Variants in ZNF331 observed in about 807,000 individuals in gnomAD.
ZNF331 encodes zinc finger protein 331.
ZNF331 carries 2 observed loss-of-function variants against 7.0 expected under a neutral mutation model. That is an observed-to-expected ratio of 0.29 (90% CI 0.12 to 0.90). The LOEUF (loss-of-function observed/expected upper bound fraction) is 0.90. ZNF331 is among the 40% of genes least tolerant of loss of function. The probability of loss-of-function intolerance (pLI) is 0.58; values close to 1 mark genes in which losing one functional copy is unlikely to be tolerated. For missense variants in ZNF331, 432 were observed against 587.7 expected (o/e 0.74, Z 2.74); for synonymous variants, 196 against 205.4 (o/e 0.95, Z 0.39).
intron 2 of ZNF331, among the ~76,000 whole-genome samples, chr19:53,523,935 C>T (rs1477826992): frequency 4.6e-5 from 7 of 152,154 alleles, no homozygotes; most frequent in African/African-American, 1.7e-4. Context: ...TCCGACGGGC[C>T]CTGGTGTGTG....
chr19:53,540,674 T>A (rs996036284), intron 2 of ZNF331, among the ~76,000 whole-genome samples: 1 of 133,910 alleles, frequency 7.5e-6, no homozygotes, highest in Non-Finnish European at 1.6e-5. Context: ...CTCAGGTGAT[T>A]AATTAGCCGG....
intron 2 of ZNF331, among the ~76,000 whole-genome samples, chr19:53,529,929 G>A (rs921657816): frequency 2.0e-5 from 3 of 152,110 alleles, no homozygotes; most frequent in African/African-American, 7.2e-5. Flanking sequence ...GACAGCACCC[G>A]CTCGGGTAGG....
At chr19:53,559,065 C>T (rs1490487539) in intron 3 of ZNF331, among the ~76,000 whole-genome samples, 2 of 150,984 alleles carry the variant, frequency 1.3e-5, no homozygotes, top group Non-Finnish European at 3.0e-5. Context: ...ACAAACACAC[C>T]CCGTATACAC....
upstream of ZNF331, among the ~76,000 whole-genome samples, chr19:53,517,884 G>T (rs2086941587): frequency 6.6e-6 from 1 of 152,124 alleles, no homozygotes; most frequent in Non-Finnish European, 1.5e-5. Flanking sequence ...ACAGTGTCAG[G>T]CTTTGATTGA....
At position 53,560,029 on chromosome 19, in the gene ZNF331, A is replaced by G. The variant is rs1568515318; in HGVS notation, c.-74+4121A>G. Among the ~76,000 whole-genome samples the G allele has an allele frequency of 6.6e-6, 1 of 151,186 alleles. No individual in the cohort carries two copies. Among genetic ancestry groups the G allele is most frequent in the African/African-American group, 2.4e-5 (1 of 41,040 alleles). On this transcript the variant is annotated intron_variant, in intron 3 of 5. Transcript: ENST00000449416. This position sits in a 1 kb window ranked among gnomAD's most constrained non-coding sequence, Gnocchi z 4.3. ...ATATACGCACACACACCCCATACAC[A>G]TGCATACCTCATATATACATATACA...
chr19:53,567,482 A>G (rs998113504), intron 3 of ZNF331, among the ~76,000 whole-genome samples: 1 of 152,092 alleles, frequency 6.6e-6, no homozygotes, highest in African/African-American at 2.4e-5. Flanking sequence ...TATGGTCTGC[A>G]TAGAAGACCA....
intron 1 of ZNF331, chr19:53,538,710 G>C (rs992110505): frequency 1.3e-5 from 2 of 154,080 alleles, no homozygotes; most frequent in African/African-American, 4.8e-5. Flanking sequence ...TCTGGGTGAC[G>C]CAGGTGTGTG....
At position 53,576,761 on chromosome 19, in the gene ZNF331, T is replaced by G; in HGVS notation, c.201T>G (p.Ala67=). ...PTEKNIHEIR[A]SKRNSDRRSK... is the part of the protein sequence containing the mutation. ...AAAAAAACATTCATGAAATAAGGGC[T>G]TCCAAAAGGAATTCAGATAGAAGAA... Residue 67 remains alanine (A), a synonymous_variant, in exon 6 of 6, where the codon GCT becomes GCG. Coordinates refer to ENST00000449416, the MANE Select transcript of ZNF331 (RefSeq NM_001079906.2). 1 of 1,613,832 alleles carries G rather than the reference T, an allele frequency of 6.2e-7. No individual in the cohort carries two copies. Among genetic ancestry groups the G allele is most frequent in the Non-Finnish European group, 8.5e-7 (1 of 1,179,952 alleles).
intron 3 of ZNF331, among the ~76,000 whole-genome samples, chr19:53,562,357 A>G (rs1332157721): frequency 6.6e-6 from 1 of 152,126 alleles, no homozygotes; most frequent in Non-Finnish European, 1.5e-5. Flanking sequence ...AGATGGCAAT[A>G]GTTAAAAATG....
At chr19:53,550,697 A>G (rs996224883) in intron 2 of ZNF331, among the ~76,000 whole-genome samples, 6 of 150,670 alleles carry the variant, frequency 4.0e-5, no homozygotes, top group African/African-American at 1.5e-4. Context: ...CCACCACGCC[A>G]GGCTAATTTT....
intron 3 of ZNF331, among the ~76,000 whole-genome samples, chr19:53,562,045 G>A (rs574827778): frequency 1.3e-5 from 2 of 152,302 alleles, no homozygotes; most frequent in South Asian, 4.1e-4. Flanking sequence ...GTACTTGGGA[G>A]GCTGAGGCAG....
In ZNF331 at chr19:53,539,419, GGA is replaced by G. The variant is rs1440425123; in HGVS notation, c.-138+139_-138+140del. 2.0e-5 allele frequency: 3 copies of G among 152,160 alleles called. No homozygotes were observed. The highest frequency in any genetic ancestry group is 6.5e-5 in the Admixed American group (1 of 15,272). 9.4% of individuals were successfully genotyped at this position (152,160 alleles called of 1,614,324 possible). ...GAGCCTTCTGAAGATAGGCTTGTGA[GGA>G]GGGTGAAATGCATTAACACGCATAA... On this transcript the variant is annotated intron_variant, in intron 2 of 5. Transcript: ENST00000449416. This position sits in a 1 kb window ranked among gnomAD's most constrained non-coding sequence, Gnocchi z 6.1.
intron 2 of ZNF331, among the ~76,000 whole-genome samples, chr19:53,545,224 T>C (rs539500572): frequency 2.0e-5 from 3 of 152,324 alleles, no homozygotes; most frequent in South Asian, 2.1e-4. Context: ...TCTTTCTAAC[T>C]GTTTCCTCCT....
intron 4 of ZNF331, among the ~76,000 whole-genome samples, chr19:53,569,657 T>G (rs539875153): frequency 6.6e-6 from 1 of 152,106 alleles, no homozygotes; most frequent in Admixed American, 6.6e-5. Flanking sequence ...GAGGGAAATA[T>G]TTAAGTCAAG....
intron 2 of ZNF331, among the ~76,000 whole-genome samples, chr19:53,540,935 G>A (rs1015273509): frequency 3.3e-5 from 5 of 152,092 alleles, no homozygotes; most frequent in South Asian, 2.1e-4. Flanking sequence ...CATTAGGCCC[G>A]CTGAGGTAAC....
rs1204791141 is a variant in ZNF331 at position 53,579,697 on chromosome 19, C to T, written c.*1745C>T. 4 of 198,150 alleles carry T rather than the reference C, an allele frequency of 2.0e-5. No individual in the cohort carries two copies. Among genetic ancestry groups the T allele is most frequent in the East Asian group, 7.9e-5 (1 of 12,646 alleles). 12.3% of individuals were successfully genotyped at this position (198,150 alleles called of 1,614,324 possible). ...AACATTAAGAGATTATTGGCACAGC[C>T]GTGGGTTACGCAATGATTTCTTAGT... On this transcript the variant is annotated 3_prime_UTR_variant, in exon 6 of 6. Transcript: ENST00000449416.
intron 2 of ZNF331, among the ~76,000 whole-genome samples, chr19:53,545,401 C>T (rs1305296922): frequency 6.6e-6 from 1 of 152,194 alleles, no homozygotes; most frequent in East Asian, 1.9e-4. Flanking sequence ...CAAGGGGCAC[C>T]GAACAGCAGC....
chr19:53,569,461 C>A, intron 4 of ZNF331, 76 bp downstream of exon 4: 1 of 1,527,706 alleles, frequency 6.5e-7, no homozygotes, highest in Non-Finnish European at 9.1e-7. Context: ...TTATCTGAAG[C>A]CTTTTATCTA....
chr19:53,507,282 T>C, the ZNF331 span, among the ~76,000 whole-genome samples: 9 of 152,274 alleles, frequency 5.9e-5, no homozygotes, highest in South Asian at 1.9e-3. Flanking sequence ...GAACATTATC[T>C]GTTACTTTGC....
Sources: allele counts gnomAD v4.1 joint callset (sites outside exome capture counted in the v4.1 genomes callset), GRCh38; gene constraint gnomAD v4.1.1; non-coding constraint Gnocchi (gnomAD v3.1); transcripts MANE v1.5; gene names NCBI Gene and HGNC (gene_info 2026-07-23, HGNC 2026-07-21).